SLC24A4: variants seen among roughly 807,000 people sequenced by gnomAD.
The protein encoded by SLC24A4 is sodium/potassium/calcium exchanger 4.
SLC24A4 carries 53 observed loss-of-function variants against 79.0 expected under a neutral mutation model. The observed-to-expected ratio is 0.67, with a 90% CI of 0.54 to 0.84. The LOEUF (loss-of-function observed/expected upper bound fraction) is 0.84. Ranked by LOEUF, SLC24A4 falls within the 40% of genes least tolerant of loss-of-function variation. The pLI is 0.00. For missense variants in SLC24A4, 731 were observed against 822.0 expected, an observed-to-expected ratio of 0.89 and a Z score of 1.35; for synonymous variants, 323 against 323.8, an observed-to-expected ratio of 1.00 and a Z score of 0.03.
At position 92,469,290 on chromosome 14, in the gene SLC24A4, C is replaced by T. The variant is rs145758938; in HGVS notation, c.1255+12682C>T. ...TTGGGAGACCGAGGTGGGCAGATCA[C>T]GAGGTCAGGAGATCGAGACTATCCT... On this transcript the variant is annotated intron_variant, in intron 12 of 16. Coordinates refer to ENST00000532405, the MANE Select transcript of SLC24A4 (RefSeq NM_153646.4). 4.0e-3 allele frequency among the ~76,000 whole-genome samples: 613 copies of T among 152,232 alleles called. 8 individuals carry two copies. Among genetic ancestry groups the T allele is most frequent in the Middle Eastern group, 0.017 (5 of 294 alleles).
chr14:92,343,650 T>TTTCTC (rs1595140434), intron 2 of SLC24A4, among the ~76,000 whole-genome samples: 35 of 126,360 alleles, frequency 2.8e-4, no homozygotes, highest in African/African-American at 8.6e-4. Flanking sequence ...CTCTCTTTCC[T>TTTCTC]TCTTTCCTTC....
chr14:92,351,920 A>AAAGGAAAGGAAAGGG (rs1886911899), intron 2 of SLC24A4, among the ~76,000 whole-genome samples: 2 of 150,810 alleles, frequency 1.3e-5, no homozygotes, highest in African/African-American at 2.4e-5. Context: ...GAAAGGAAGG[A>AAAGGAAAGGAAAGGG]AAGGAAAGGA....
rs1895827505 is a variant in SLC24A4, at chr14:92,493,702, C to T, written c.*74C>T. ...GCGTTCTCCTCTCCCCTCCTTCCCC[C>T]ACCACAGGTCTCTCCTGCATAGGCA... On this transcript the variant is annotated 3_prime_UTR_variant, in exon 17 of 17. Transcript: ENST00000532405. 1 of 1,514,828 alleles carries T rather than the reference C, an allele frequency of 6.6e-7. No individual in the cohort carries two copies. Among genetic ancestry groups the T allele is most frequent in the East Asian group, 2.3e-5 (1 of 43,458 alleles). 93.8% of individuals were successfully genotyped at this position (1,514,828 alleles called of 1,614,324 possible).
intron 2 of SLC24A4, among the ~76,000 whole-genome samples, chr14:92,414,569 C>T (rs1400681588): frequency 6.6e-6 from 1 of 152,056 alleles, no homozygotes; most frequent in East Asian, 1.9e-4. Flanking sequence ...GACCCCAGCT[C>T]TACAAAAACA....
intron 16 of SLC24A4, chr14:92,493,017 C>G (rs34875253): frequency 0.29 from 80,538 of 281,142 alleles, 11,555 homozygotes; most frequent in Admixed American, 0.35. Context: ...CACACACACA[C>G]AGAGAAAGAT....
At position 92,495,501 on chromosome 14, in the gene SLC24A4, C is replaced by T. The variant is rs1329532886; in HGVS notation, c.*1873C>T. On this transcript the variant is annotated 3_prime_UTR_variant, in exon 17 of 17. Coordinates refer to ENST00000532405, the MANE Select transcript of SLC24A4 (RefSeq NM_153646.4). ...GCCCCTGTAGATTCACCAGTATAAA[C>T]TTCAGCTGCAGGGATTCCAGAGCCC... The T allele has an allele frequency of 3.9e-5, 6 of 152,174 alleles. No homozygotes were observed. Among genetic ancestry groups the T allele is most frequent in the Admixed American group, 6.5e-5 (1 of 15,270 alleles). The allele number at this position is 152,174 out of a possible 1,614,324, so 9.4% of individuals were successfully genotyped here. A position where few individuals can be genotyped will look rare whatever the true frequency, so the allele number is the denominator to read the frequency against.
chr14:92,434,097 A>G, intron 3 of SLC24A4, 109 bp downstream of exon 3: 1 of 862,316 alleles, frequency 1.2e-6, no homozygotes, highest in Non-Finnish European at 2.0e-6. Flanking sequence ...GTAACAGCCC[A>G]GTGAGGAGAG....
chr14:92,365,284 G>A (rs997638338), intron 2 of SLC24A4, among the ~76,000 whole-genome samples: 1 of 152,260 alleles, frequency 6.6e-6, no homozygotes, highest in Non-Finnish European at 1.5e-5. Flanking sequence ...GGCGATTGGA[G>A]CATTGGTGAG....
At chr14:92,325,107 A>G (rs941782958) in intron 1 of SLC24A4, among the ~76,000 whole-genome samples, 2 of 152,200 alleles carry the variant, frequency 1.3e-5, no homozygotes, top group Non-Finnish European at 2.9e-5. Context: ...CACACCAGAA[A>G]TAACAACATA....
At chr14:92,400,543 T>C (rs1466741949) in intron 2 of SLC24A4, among the ~76,000 whole-genome samples, 1 of 152,008 alleles carries the variant, frequency 6.6e-6, no homozygotes, top group Non-Finnish European at 1.5e-5. Context: ...TAAGAAGCTC[T>C]GGACACAGTC....
In SLC24A4 at chr14:92,493,925, G is replaced by A. The variant is rs1191897244; in HGVS notation, c.*297G>A. Reference sequence around the variant, plus strand: ...ATGTGCCAAGCATCTCATCTCTCCTGCACACTTTAGTCAGAAGGACTTCTG... The same window carrying A: ...ATGTGCCAAGCATCTCATCTCTCCTACACACTTTAGTCAGAAGGACTTCTG... On this transcript the variant is annotated 3_prime_UTR_variant, in exon 17 of 17. Coordinates refer to ENST00000532405, the MANE Select transcript of SLC24A4 (RefSeq NM_153646.4). 4 of 373,378 alleles carry A rather than the reference G, an allele frequency of 1.1e-5. No individual in the cohort carries two copies. Among genetic ancestry groups the A allele is most frequent in the African/African-American group, 6.1e-5 (3 of 49,164 alleles). 23.1% of individuals were successfully genotyped at this position (373,378 alleles called of 1,614,324 possible).
intron 3 of SLC24A4, among the ~76,000 whole-genome samples, chr14:92,436,721 G>A (rs1892195374): frequency 2.6e-5 from 4 of 152,142 alleles, no homozygotes; most frequent in African/African-American, 9.7e-5. Flanking sequence ...TGGAAATCGG[G>A]GCGCCATCTT....
At chr14:92,460,846 G>A (rs1011492115) in intron 12 of SLC24A4, among the ~76,000 whole-genome samples, 10 of 152,212 alleles carry the variant, frequency 6.6e-5, no homozygotes, top group Non-Finnish European at 1.2e-4. Flanking sequence ...TGGGATTGCC[G>A]GGGTGGAGCC....
In SLC24A4 at chr14:92,464,336, T is replaced by C. The variant is rs1212255784; in HGVS notation, c.1255+7728T>C. ...GACAGAACCAGGCATCCAGGCCACC[T>C]GCCCTGGAAATCCACTCTGTGCCAC... On this transcript the variant is annotated intron_variant, in intron 12 of 16. Transcript: ENST00000532405. 2.6e-5 allele frequency among the ~76,000 whole-genome samples: 4 copies of C among 152,198 alleles called. No individual in the cohort carries two copies. The East Asian group carries it at 5.8e-4, about 22-fold the overall frequency.
At position 92,434,118 on chromosome 14, in the gene SLC24A4, G is replaced by T. The variant is rs568592203; in HGVS notation, c.318+130G>T. On this transcript the variant is annotated intron_variant, in intron 3 of 16. Transcript: ENST00000532405. The stretch of plus-strand genomic sequence containing the variant: ...GCCCAGTGAGGAGAGCGGAGACTGG[G>T]CATGTTTTACCCACACAGAAAGGAT... 3 of 739,908 alleles carry T rather than the reference G, an allele frequency of 4.1e-6. No individual in the cohort carries two copies. In the African/African-American group the frequency reaches 5.2e-5, roughly 13 times the overall value. The allele number at this position is 739,908 out of a possible 1,614,324, so 45.8% of individuals were successfully genotyped here.
chr14:92,380,821 C>T lies in SLC24A4; in HGVS notation c.242-53091C>T, dbSNP rs149790422. 4.5e-3 allele frequency among the ~76,000 whole-genome samples: 690 copies of T among 152,294 alleles called. 10 individuals carry two copies. Among genetic ancestry groups the T allele is most frequent in the African/African-American group, 0.016 (658 of 41,562 alleles). Reference sequence around the variant, plus strand: ...AGGGCAGAGGCTCTGGAGGTGCAAGCGGCTCAGGCTGGACTCAAGGTGCTG... The same window carrying T: ...AGGGCAGAGGCTCTGGAGGTGCAAGTGGCTCAGGCTGGACTCAAGGTGCTG... On this transcript the variant is annotated intron_variant, in intron 2 of 16. Transcript: ENST00000532405.
At chr14:92,466,721 G>A (rs538218301) in intron 12 of SLC24A4, among the ~76,000 whole-genome samples, 2 of 152,276 alleles carry the variant, frequency 1.3e-5, no homozygotes, top group South Asian at 4.1e-4. Flanking sequence ...CCACTGGTAA[G>A]TAGCAGAGGG....
At chr14:92,422,398 A>G (rs995428390) in intron 2 of SLC24A4, among the ~76,000 whole-genome samples, 2 of 152,236 alleles carry the variant, frequency 1.3e-5, no homozygotes, top group Non-Finnish European at 2.9e-5. Context: ...GGGAAGAAAC[A>G]TATTTTTGGC....
chr14:92,409,145 C>T (rs1890564527), intron 2 of SLC24A4, among the ~76,000 whole-genome samples: 1 of 152,202 alleles, frequency 6.6e-6, no homozygotes, highest in Non-Finnish European at 1.5e-5. Context: ...TCAGTCTCCT[C>T]AGACCTTTCC....
Sources: gnomAD v4.1 joint callset for allele counts (sites outside exome capture counted in the v4.1 genomes callset) on GRCh38, gnomAD v4.1.1 for gene constraint, MANE v1.5 for transcripts, NCBI Gene and HGNC (gene_info 2026-07-23, HGNC 2026-07-21) for gene names.